The following NEBL variants were observed in gnomAD, a reference collection of about 807,000 sequenced individuals.
The protein encoded by NEBL is LIM and SH3 protein 2.
NEBL carries 122 observed loss-of-function variants against 140.2 expected under a neutral mutation model. The observed-to-expected ratio is 0.87, with a 90% CI of 0.75 to 1.01. The LOEUF is 1.01. Ranked by LOEUF, NEBL falls within the 50% of genes least tolerant of loss-of-function variation. The pLI is 0.00. For missense variants in NEBL, 1,365 were observed against 1,231.3 expected, an observed-to-expected ratio of 1.11 and a Z score of -1.62; for synonymous variants, 436 against 398.9, an observed-to-expected ratio of 1.09 and a Z score of -1.11.
intron 2 of NEBL, among the ~76,000 whole-genome samples, chr10:21,071,172 A>G (rs1289454569): frequency 6.6e-6 from 1 of 150,504 alleles, no homozygotes; most frequent in East Asian, 1.9e-4. Context: ...CTGTCTCTAA[A>G]CAATAAATAA....
chr10:20,984,092 C>T (rs141454759), intron 3 of NEBL, among the ~76,000 whole-genome samples: 141 of 142,456 alleles, frequency 9.9e-4, no homozygotes, highest in African/African-American at 3.6e-3. Flanking sequence ...GTTTTGCAGG[C>T]AAACATCCAA....
At chr10:20,840,344 C>T (rs1588748654) in intron 13 of NEBL, among the ~76,000 whole-genome samples, 2 of 152,068 alleles carry the variant, frequency 1.3e-5, no homozygotes, top group Admixed American at 1.3e-4. Context: ...GAATAAGGTT[C>T]AAACAGCAGC....
chr10:20,787,295 G>A lies in NEBL; in HGVS notation c.2775C>T (p.Pro925=), dbSNP rs199887353. 1.2e-4 allele frequency: 189 copies of A among 1,612,436 alleles called. 1 individual carries two copies. The highest frequency in any genetic ancestry group is 2.8e-4 in the African/African-American group (21 of 74,852). ...RPSDEGAPVL[P]GAYQQSHSQG... ...GGGAATGGCTTTGCTGATAGGCTCC[G>A]GGAAGAACAGGTGCTGCATGTTAAA... The change falls in exon 27 of 28, where the codon CCC becomes CCT. Residue 925 remains proline (P), a synonymous_variant. Coordinates refer to ENST00000377122, the MANE Select transcript of NEBL (RefSeq NM_006393.3).
chr10:20,870,584 A>T (rs1180825533), intron 5 of NEBL, among the ~76,000 whole-genome samples: 1 of 152,142 alleles, frequency 6.6e-6, no homozygotes, highest in Non-Finnish European at 1.5e-5. Flanking sequence ...TTCCTTGGGG[A>T]TGGTGGGTGG....
chr10:21,180,744 C>G (rs1253656387), intron 3 of NEBL, among the ~76,000 whole-genome samples: 1 of 152,128 alleles, frequency 6.6e-6, no homozygotes, highest in East Asian at 1.9e-4. Context: ...GCTCTTGAAT[C>G]ATCCCCACAC....
upstream of NEBL, among the ~76,000 whole-genome samples, chr10:20,898,194 A>G (rs933252028): frequency 2.6e-5 from 4 of 152,166 alleles, no homozygotes; most frequent in Non-Finnish European, 4.4e-5. Flanking sequence ...CTCAAAACAA[A>G]TATTTTAATG....
At chr10:21,007,377 T>C (rs747266925) in intron 3 of NEBL, among the ~76,000 whole-genome samples, 5 of 152,222 alleles carry the variant, frequency 3.3e-5, no homozygotes, top group Non-Finnish European at 7.3e-5. Flanking sequence ...TGAGATTTCT[T>C]TGCTAGTAAA....
At chr10:21,079,143 G>A (rs11817725) in intron 2 of NEBL, among the ~76,000 whole-genome samples, 4 of 151,880 alleles carry the variant, frequency 2.6e-5, no homozygotes, top group East Asian at 1.9e-4. Flanking sequence ...TCTCTCTCTC[G>A]GAAACCTTCT....
chr10:20,903,478 G>C (rs969598615), intron 4 of NEBL, among the ~76,000 whole-genome samples: 2 of 152,102 alleles, frequency 1.3e-5, no homozygotes, highest in Non-Finnish European at 2.9e-5. Context: ...AGAACTAAAA[G>C]TAGAGCTACC....
At position 21,219,160 on chromosome 10, in the gene NEBL, C is replaced by G. The variant is rs141375654; in HGVS notation, n.348+28761G>C. On this transcript the variant is annotated intron_variant and non_coding_transcript_variant, in intron 3 of 8. Coordinates refer to the NEBL transcript ENST00000675702. ...GCCTTTGATTTGTTATAAATGAAAA[C>G]TTTCTAAAAATGTGAGTTGGGTGTG... is the stretch of plus-strand genomic sequence containing the variant. Among the ~76,000 whole-genome samples, 243 of 152,240 alleles carry G rather than the reference C, an allele frequency of 1.6e-3. 3 individuals carry two copies. The highest frequency in any genetic ancestry group is 5.4e-3 in the African/African-American group (226 of 41,528).
chr10:20,943,931 A>G (rs1835028755), intron 4 of NEBL, among the ~76,000 whole-genome samples: 1 of 152,214 alleles, frequency 6.6e-6, no homozygotes, highest in Admixed American at 6.5e-5. Flanking sequence ...TGTATCCACT[A>G]AAATGACCTA....
intron 24 of NEBL, among the ~76,000 whole-genome samples, chr10:20,811,010 C>A (rs1838085495): frequency 6.6e-6 from 1 of 152,140 alleles, no homozygotes; most frequent in African/African-American, 2.4e-5. Flanking sequence ...AAAATAGAAG[C>A]AGCACAAATT....
intron 2 of NEBL, among the ~76,000 whole-genome samples, chr10:21,055,773 A>G (rs897103019): frequency 6.6e-6 from 1 of 152,218 alleles, no homozygotes; most frequent in African/African-American, 2.4e-5. Context: ...AGCGCAGATA[A>G]TCCAGCCAAA....
intron 2 of NEBL, among the ~76,000 whole-genome samples, chr10:21,168,712 T>C (rs1840907280): frequency 6.6e-6 from 1 of 152,030 alleles, no homozygotes; most frequent in Non-Finnish European, 1.5e-5. Context: ...AGGGATGAAA[T>C]GTCACGATGT....
At chr10:20,970,098 T>C (rs905643688) in intron 3 of NEBL, among the ~76,000 whole-genome samples, 1 of 152,192 alleles carries the variant, frequency 6.6e-6, no homozygotes, top group Middle Eastern at 3.2e-3. Flanking sequence ...TTAAATGAGA[T>C]AATACTACTG....
intron 2 of NEBL, among the ~76,000 whole-genome samples, chr10:21,080,518 T>C (rs1328448471): frequency 2.0e-5 from 3 of 152,242 alleles, no homozygotes; most frequent in Non-Finnish European, 1.5e-5. Context: ...TGCTGTACAA[T>C]ATGAAGTTAG....
At chr10:21,265,634 A>G (rs1311996273) in intron 1 of NEBL, among the ~76,000 whole-genome samples, 1 of 152,208 alleles carries the variant, frequency 6.6e-6, no homozygotes, top group African/African-American at 2.4e-5. Flanking sequence ...GTGCGTTATC[A>G]AAGTGGCCAC....
intron 3 of NEBL, among the ~76,000 whole-genome samples, chr10:21,239,558 C>T (rs1842408437): frequency 6.6e-6 from 1 of 152,076 alleles, no homozygotes; most frequent in Non-Finnish European, 1.5e-5. Flanking sequence ...GTGCTGCTCC[C>T]CTAAAAGCTC....
chr10:21,202,436 A>G (rs1297608268), intron 3 of NEBL, among the ~76,000 whole-genome samples: 1 of 146,156 alleles, frequency 6.8e-6, no homozygotes. Flanking sequence ...GAGTTGATTC[A>G]CCTTCTAATT....
Sources: allele counts gnomAD v4.1 joint callset (sites outside exome capture counted in the v4.1 genomes callset), GRCh38; gene constraint gnomAD v4.1.1; transcripts MANE v1.5; gene names NCBI Gene and HGNC (gene_info 2026-07-23, HGNC 2026-07-21).